GNA15: variants seen among roughly 807,000 people sequenced by gnomAD.
The protein encoded by GNA15 is guanine nucleotide-binding protein subunit alpha-15.
In GNA15, 23 loss-of-function variants were observed where a neutral mutation model predicts 40.1. The observed-to-expected ratio is 0.57, with a 90% confidence interval of 0.41 to 0.81. GNA15 has a LOEUF of 0.81. Among genes scored for constraint, GNA15 ranks in the 40% least tolerant of loss-of-function variants. GNA15 has a pLI of 0.00. For missense variants in GNA15, 522 were observed against 515.8 expected, an observed-to-expected ratio of 1.01 and a Z score of -0.12; for synonymous variants, 226 against 210.4, an observed-to-expected ratio of 1.07 and a Z score of -0.64.
chr19:3,137,093 GT>G (rs1914476564), intron 1 of GNA15, among the ~76,000 whole-genome samples: 1 of 152,238 alleles, frequency 6.6e-6, no homozygotes, highest in South Asian at 2.1e-4. Context: ...GGATTGATTG[GT>G]TCATTGGTTC....
rs780032746 is a variant in GNA15, at chr19:3,157,820, C to T, written c.837C>T (p.Thr279=). The T allele has an allele frequency of 1.9e-6, 3 of 1,613,556 alleles. No homozygotes were observed. The highest frequency in any genetic ancestry group is 1.7e-5 in the Admixed American group (1 of 60,022). The change falls in exon 6 of 7, where the codon ACC becomes ACT. Residue 279 remains threonine (T), a synonymous_variant. Transcript: ENST00000262958. ...STSVILFLNK[T]DILEEKIPTS... ...CCGTCATCCTCTTTCTCAACAAAAC[C>T]GACATCCTGGAGGAGAAAATCCCCA... is the stretch of plus-strand genomic sequence containing the variant.
rs1426176186 is a variant in GNA15 at position 3,155,687 on chromosome 19, G to T, written c.615-136G>T. ...ATCCTTGCCTCGCGGGAATGACATG[G>T]CAAATCCACGAGAGGCTAGCACCTA... is the stretch of plus-strand genomic sequence containing the variant. On this transcript the variant is annotated intron_variant, in intron 4 of 6. Coordinates refer to ENST00000262958, the MANE Select transcript of GNA15 (RefSeq NM_002068.4). The surrounding 1 kb of genome is among the most constrained non-coding windows in gnomAD (Gnocchi z 5.6). The T allele has an allele frequency of 4.0e-6, 4 of 993,496 alleles. No homozygotes were observed. Among genetic ancestry groups the T allele is most frequent in the Non-Finnish European group, 5.9e-6 (4 of 674,104 alleles). 61.5% of individuals were successfully genotyped at this position (993,496 alleles called of 1,614,324 possible).
intron 4 of GNA15, among the ~76,000 whole-genome samples, chr19:3,154,512 A>T (rs1405104398): frequency 1.3e-5 from 2 of 150,530 alleles, no homozygotes; most frequent in African/African-American, 4.9e-5. Context: ...GGATGAGTAA[A>T]TGGAGAGATG....
At position 3,155,764 on chromosome 19, in the gene GNA15, T is replaced by C; in HGVS notation, c.615-59T>C. 2.5e-6 allele frequency: 4 copies of C among 1,582,266 alleles called. No homozygotes were observed. Among genetic ancestry groups the C allele is most frequent in the Non-Finnish European group, 3.4e-6 (4 of 1,166,108 alleles). On this transcript the variant is annotated intron_variant, in intron 4 of 6. Transcript: ENST00000262958. This position sits in a 1 kb window ranked among gnomAD's most constrained non-coding sequence, Gnocchi z 5.6. ...GGCATATCCCAGACGTGATGGGGGT[T>C]GGGGGTGTCACGGAGCAGGCTCCTG...
At chr19:3,149,335 G>GCA (rs746557630) in intron 2 of GNA15, 11 of 160,306 alleles carry the variant, frequency 6.9e-5, no homozygotes, top group South Asian at 3.2e-4. Context: ...ATTCCCACAT[G>GCA]CACACACACA....
At position 3,148,745 on chromosome 19, in the gene GNA15, G is replaced by C. The variant is rs1914796743; in HGVS notation, c.300G>C (p.Leu100=). The C allele has an allele frequency of 1.2e-6, 2 of 1,603,216 alleles. No homozygotes were observed. The highest frequency in any genetic ancestry group is 3.4e-5 in the Admixed American group (2 of 58,566). The change falls in exon 2 of 7, where the codon CTG becomes CTC. Residue 100 remains leucine, a synonymous_variant. Coordinates refer to ENST00000262958, the MANE Select transcript of GNA15 (RefSeq NM_002068.4). ...CCATGATCGAGGCCATGGAGCGGCTGCAGATTCCATTCAGCAGGCCCGAGA... is the reference window on the plus strand; with the variant it reads ...CCATGATCGAGGCCATGGAGCGGCTCCAGATTCCATTCAGCAGGCCCGAGA... ...MRAMIEAMER[L]QIPFSRPESK... is the part of the protein sequence containing the mutation.
At chr19:3,140,044 A>AATCTATCT (rs59955919) in intron 1 of GNA15, among the ~76,000 whole-genome samples, 50,054 of 124,284 alleles carry the variant, frequency 0.4, 10,236 homozygotes, top group East Asian at 0.47. Flanking sequence ...AAAAAAAAAA[A>AATCTATCT]ATCTATCTAT....
chr19:3,139,463 T>C (rs978088490), intron 1 of GNA15, among the ~76,000 whole-genome samples: 1 of 151,876 alleles, frequency 6.6e-6, no homozygotes, highest in Non-Finnish European at 1.5e-5. Flanking sequence ...GGCATGGTGG[T>C]GCGCAACTGT....
chr19:3,138,711 A>G (rs1914509099), intron 1 of GNA15, among the ~76,000 whole-genome samples: 2 of 151,346 alleles, frequency 1.3e-5, no homozygotes, highest in African/African-American at 4.9e-5. Flanking sequence ...ACTCACTGCA[A>G]CCTCCGCCTC....
At chr19:3,150,370 T>C (rs1165749137) in intron 3 of GNA15, 85 bp downstream of exon 3, 7 of 1,217,578 alleles carry the variant, frequency 5.7e-6, no homozygotes, top group African/African-American at 1.5e-5. Context: ...CAGCAGGAGA[T>C]ATTGTGGGCG....
At position 3,163,691 on chromosome 19, in the gene GNA15, A is replaced by G. The variant is rs1382822299; in HGVS notation, c.*672A>G. 1 of 152,088 alleles carries G rather than the reference A, an allele frequency of 6.6e-6. No homozygotes were observed. The highest frequency in any genetic ancestry group is 1.5e-5 in the Non-Finnish European group (1 of 68,034). The allele number at this position is 152,088 out of a possible 1,614,324, so 9.4% of individuals were successfully genotyped here. On this transcript the variant is annotated 3_prime_UTR_variant, in exon 7 of 7. Coordinates refer to ENST00000262958, the MANE Select transcript of GNA15 (RefSeq NM_002068.4). The stretch of plus-strand genomic sequence containing the variant: ...TGCTGCATCTTAACCTTTTGTATTT[A>G]TTCCCTCACCTTCTGCAGGGCTCCG...
chr19:3,150,672 T>C (rs898027875), intron 3 of GNA15, among the ~76,000 whole-genome samples: 5 of 152,020 alleles, frequency 3.3e-5, no homozygotes, highest in Non-Finnish European at 7.4e-5. Flanking sequence ...AGAGTGACCC[T>C]GTGCCTGGGG....
At chr19:3,158,374 G>T (rs1000946823) in intron 6 of GNA15, among the ~76,000 whole-genome samples, 2 of 151,804 alleles carry the variant, frequency 1.3e-5, no homozygotes, top group Non-Finnish European at 2.9e-5. Context: ...GGATAGTCTC[G>T]ATCACTTGAC....
chr19:3,160,282 A>G lies in GNA15; in HGVS notation c.898+2401A>G, dbSNP rs546737733. 2.1e-4 allele frequency among the ~76,000 whole-genome samples: 31 copies of G among 150,642 alleles called. No individual in the cohort carries two copies. In the South Asian group the frequency reaches 6.3e-3, roughly 31 times the overall value. On this transcript the variant is annotated intron_variant, in intron 6 of 6. Coordinates refer to ENST00000262958, the MANE Select transcript of GNA15 (RefSeq NM_002068.4). ...GTGTCTCTCCCTGCCTCCCTCTCCC[A>G]TCTCATCTCTCTCTCCTCCCCTTTC...
At chr19:3,154,886 C>T (rs534694785) in intron 4 of GNA15, 77 of 152,166 alleles carry the variant, frequency 5.1e-4, no homozygotes, top group South Asian at 1.2e-3. Context: ...AGGAGTGAGA[C>T]GAATGAATGG....
chr19:3,151,666 G>T lies in GNA15; in HGVS notation c.486-41G>T. ...CGTAGGGCCTGGGAAGCAAAGGGAG[G>T]CTGGCTGCAAGGCTGGGCCTCAGGA... On this transcript the variant is annotated intron_variant, in intron 3 of 6. Transcript: ENST00000262958. The surrounding 1 kb of genome is among the most constrained non-coding windows in gnomAD (Gnocchi z 5.0). 1.6e-5 allele frequency: 25 copies of T among 1,522,304 alleles called. No individual in the cohort carries two copies. The highest frequency in any genetic ancestry group is 2.2e-5 in the Non-Finnish European group (25 of 1,133,104). The allele number at this position is 1,522,304 out of a possible 1,614,324, so 94.3% of individuals were successfully genotyped here.
At chr19:3,158,120 C>T (rs908404071) in intron 6 of GNA15, among the ~76,000 whole-genome samples, 3 of 152,092 alleles carry the variant, frequency 2.0e-5, no homozygotes, top group African/African-American at 4.8e-5. Context: ...TCTAAAAACA[C>T]GTAGCATATC....
At position 3,162,856 on chromosome 19, in the gene GNA15, C is replaced by T. The variant is rs955365992; in HGVS notation, c.962C>T (p.Thr321Ile). 3.1e-6 allele frequency: 5 copies of T among 1,614,062 alleles called. No homozygotes were observed. Among genetic ancestry groups the T allele is most frequent in the Middle Eastern group, 1.6e-4 (1 of 6,062 alleles). Reference sequence around the variant, plus strand: ...CTGGACATGTACACGAGGATGTACACCGGGTGCGTGGACGGCCCCGAGGGC... The same window carrying T: ...CTGGACATGTACACGAGGATGTACATCGGGTGCGTGGACGGCCCCGAGGGC... ...FILDMYTRMY[T>I]GCVDGPEGSK... Residue 321 changes from threonine (T) to isoleucine (I), a missense_variant, in exon 7 of 7, where the codon ACC becomes ATC. Thr to Ile is a moderately conservative substitution (Grantham distance 89, BLOSUM62 -1). Coordinates refer to ENST00000262958, the MANE Select transcript of GNA15 (RefSeq NM_002068.4).
intron 4 of GNA15, among the ~76,000 whole-genome samples, chr19:3,153,218 GATGACTTCTATGGGAGA>G (rs1568297669): frequency 1.3e-5 from 2 of 151,122 alleles, no homozygotes; most frequent in African/African-American, 4.9e-5. Context: ...AGTACCCAAG[GATGACTTCTATGGGAGA>G]GATACTTGGT....
Sources: allele counts gnomAD v4.1 joint callset (sites outside exome capture counted in the v4.1 genomes callset), GRCh38; gene constraint gnomAD v4.1.1; non-coding constraint Gnocchi (gnomAD v3.1); transcripts MANE v1.5; gene names NCBI Gene and HGNC (gene_info 2026-07-23, HGNC 2026-07-21).